The following DOK6 variants were observed in gnomAD, a reference collection of about 807,000 sequenced individuals.
DOK6 encodes the protein docking protein 6.
DOK6 carries 22 observed loss-of-function variants against 44.0 expected under a neutral mutation model. That is an observed-to-expected ratio of 0.50 (90% CI 0.36 to 0.71). The LOEUF is 0.71. DOK6 is among the 30% of genes least tolerant of loss of function. The probability of loss-of-function intolerance (pLI) is 0.00; values close to 1 mark genes in which losing one functional copy is unlikely to be tolerated. For synonymous variants in DOK6, 166 were observed against 145.5 expected (o/e 1.14, Z -1.01); for missense variants, 340 against 416.4 (o/e 0.82, Z 1.60).
intron 1 of DOK6, among the ~76,000 whole-genome samples, chr18:69,468,895 A>G (rs1980004891): frequency 6.6e-6 from 1 of 152,232 alleles, no homozygotes; most frequent in Non-Finnish European, 1.5e-5. Flanking sequence ...AGATTTTTAA[A>G]AATAAAAGCA....
rs762142661 is a variant in DOK6, at chr18:69,401,201, C to G, written c.-44C>G. The stretch of plus-strand genomic sequence containing the variant: ...CGGCGGCGGACGGCGGCTCTCGACT[C>G]CGGAGAGCGGATCGCGGGGCGCAGG... On this transcript the variant is annotated 5_prime_UTR_variant, in exon 1 of 8. Transcript: ENST00000382713. 1 of 1,528,604 alleles carries G rather than the reference C, an allele frequency of 6.5e-7. No homozygotes were observed. The allele number at this position is 1,528,604 out of a possible 1,614,324, so 94.7% of individuals were successfully genotyped here.
chr18:69,501,006 C>T (rs572448500), intron 1 of DOK6, among the ~76,000 whole-genome samples: 1 of 151,190 alleles, frequency 6.6e-6, no homozygotes, highest in Non-Finnish European at 1.5e-5. Flanking sequence ...TTCCCTTCTA[C>T]TTTTTTTGAA....
chr18:69,830,019 C>A (rs1981856961), intron 7 of DOK6, among the ~76,000 whole-genome samples: 1 of 151,912 alleles, frequency 6.6e-6, no homozygotes. Flanking sequence ...AAATTACATG[C>A]CATATTTAAT....
intron 3 of DOK6, among the ~76,000 whole-genome samples, chr18:69,626,076 C>G (rs1354237544): frequency 6.6e-6 from 1 of 152,148 alleles, no homozygotes; most frequent in African/African-American, 2.4e-5. Context: ...ACTGCCAATT[C>G]CCAAGCAGAG....
intron 1 of DOK6, among the ~76,000 whole-genome samples, chr18:69,554,681 T>C (rs773526058): frequency 5.9e-5 from 9 of 152,210 alleles, no homozygotes; most frequent in Non-Finnish European, 1.3e-4. Context: ...CCTGTGTAAA[T>C]TGTTAGCAGA....
At chr18:69,504,201 T>G (rs1470565841) in intron 1 of DOK6, among the ~76,000 whole-genome samples, 1 of 152,080 alleles carries the variant, frequency 6.6e-6, no homozygotes, top group Non-Finnish European at 1.5e-5. Context: ...GATAAGTCAT[T>G]TTAGAAATAT....
At chr18:69,773,457 T>C (rs1042521098) in intron 7 of DOK6, among the ~76,000 whole-genome samples, 1 of 151,992 alleles carries the variant, frequency 6.6e-6, no homozygotes, top group Non-Finnish European at 1.5e-5. Flanking sequence ...GATGGATTAA[T>C]GAAGAAGGAA....
intron 6 of DOK6, among the ~76,000 whole-genome samples, chr18:69,754,011 T>G (rs577176946): frequency 1.3e-5 from 2 of 152,328 alleles, no homozygotes; most frequent in African/African-American, 4.8e-5. Context: ...ATATATTTTG[T>G]TGATATACAT....
chr18:69,746,792 G>C (rs377160637), intron 6 of DOK6, among the ~76,000 whole-genome samples: 16 of 152,194 alleles, frequency 1.1e-4, no homozygotes, highest in African/African-American at 3.9e-4. Flanking sequence ...AGCCAAGTCT[G>C]TGATAAGCCA....
At chr18:69,458,474 G>A (rs189142035) in intron 1 of DOK6, among the ~76,000 whole-genome samples, 51 of 152,174 alleles carry the variant, frequency 3.4e-4, no homozygotes, top group Non-Finnish European at 6.0e-4. Flanking sequence ...CATTCCCTTC[G>A]AGGATACAAA....
chr18:69,549,507 A>G (rs952269398), intron 1 of DOK6, among the ~76,000 whole-genome samples: 2 of 151,748 alleles, frequency 1.3e-5, no homozygotes, highest in African/African-American at 4.8e-5. Flanking sequence ...TTTAAAGTTC[A>G]TAATCCATTA....
chr18:69,563,708 G>A (rs573011591), intron 1 of DOK6, among the ~76,000 whole-genome samples: 12 of 151,232 alleles, frequency 7.9e-5, no homozygotes, highest in Non-Finnish European at 1.6e-4. Flanking sequence ...GTTAAATGAC[G>A]AGTTAATGGG....
intron 5 of DOK6, among the ~76,000 whole-genome samples, chr18:69,716,692 CAAAAAAAAAA>C (rs11351701): frequency 7.1e-4 from 74 of 104,778 alleles, no homozygotes; most frequent in Non-Finnish European, 1.2e-3. Context: ...GCAGAATTGA[CAAAAAAAAAA>C]AAAAAAAAAA....
At chr18:69,551,883 G>A (rs190032132) in intron 1 of DOK6, among the ~76,000 whole-genome samples, 60 of 152,124 alleles carry the variant, frequency 3.9e-4, no homozygotes, top group African/African-American at 1.3e-3. Flanking sequence ...ATGTTCTTAC[G>A]TTTAGAAAAT....
intron 1 of DOK6, among the ~76,000 whole-genome samples, chr18:69,537,522 T>G (rs1599179680): frequency 6.6e-6 from 1 of 152,232 alleles, no homozygotes; most frequent in East Asian, 1.9e-4. Context: ...TTGTTTCATG[T>G]GTACATTTAT....
At chr18:69,511,112 C>T (rs1460091541) in intron 1 of DOK6, among the ~76,000 whole-genome samples, 1 of 152,102 alleles carries the variant, frequency 6.6e-6, no homozygotes, top group Non-Finnish European at 1.5e-5. Flanking sequence ...CTGTTGTTTT[C>T]TTTACATTAA....
intron 1 of DOK6, among the ~76,000 whole-genome samples, chr18:69,536,979 C>CATCATT (rs1982139550): frequency 6.9e-6 from 1 of 144,860 alleles, no homozygotes; most frequent in East Asian, 2.0e-4. Flanking sequence ...GAAGATTTAT[C>CATCATT]ATTATTATTA....
intron 2 of DOK6, among the ~76,000 whole-genome samples, chr18:69,581,280 G>T (rs1983363282): frequency 6.6e-6 from 1 of 151,804 alleles, no homozygotes; most frequent in Non-Finnish European, 1.5e-5. Context: ...GTTTGCTGTG[G>T]CTCATCACTC....
chr18:69,401,578 G>GA (rs1326222012), intron 1 of DOK6, among the ~76,000 whole-genome samples: 1 of 152,154 alleles, frequency 6.6e-6, no homozygotes, highest in Non-Finnish European at 1.5e-5. Flanking sequence ...GTCAGTAGAC[G>GA]AAAGGGGTTG....
Sources: gnomAD v4.1 joint callset for allele counts (sites outside exome capture counted in the v4.1 genomes callset) on GRCh38, gnomAD v4.1.1 for gene constraint, MANE v1.5 for transcripts, NCBI Gene and HGNC (gene_info 2026-07-23, HGNC 2026-07-21) for gene names.